RBM25: variants seen among roughly 807,000 people sequenced by gnomAD.
RBM25 encodes the protein RNA-binding protein 25.
Under a neutral mutation model 120.7 loss-of-function variants are expected in RBM25, and 19 were observed. The observed-to-expected ratio is 0.16, with a 90% confidence interval of 0.11 to 0.23. The LOEUF is 0.23. Among genes scored for constraint, RBM25 ranks in the 10% least tolerant of loss-of-function variants. The pLI, the probability that RBM25 is intolerant of heterozygous loss-of-function variation, is 1.00. For missense variants in RBM25, 605 were observed against 1,041.5 expected (o/e 0.58, Z 5.77); for synonymous variants, 390 against 326.7 (o/e 1.19, Z -2.09).
intron 14 of RBM25, 93 bp from the exon 15 acceptor site, chr14:73,110,738 T>G: frequency 6.8e-7 from 1 of 1,462,676 alleles, no homozygotes; most frequent in Non-Finnish European, 9.1e-7. Context: ...CTTTTCTCTT[T>G]TCATAAAGAT....
intron 7 of RBM25, among the ~76,000 whole-genome samples, chr14:73,097,437 G>A (rs919989551): frequency 2.0e-5 from 3 of 151,912 alleles, no homozygotes; most frequent in African/African-American, 7.2e-5. Context: ...GTGACCTCGT[G>A]GTCGACCCGC....
chr14:73,094,426 A>G (rs1299907203), intron 6 of RBM25, among the ~76,000 whole-genome samples: 2 of 151,918 alleles, frequency 1.3e-5, no homozygotes, highest in African/African-American at 4.8e-5. Context: ...AGTGGAAACA[A>G]TAATCAATTT....
chr14:73,059,014 C>T (rs545792404), intron 1 of RBM25, among the ~76,000 whole-genome samples: 4 of 152,236 alleles, frequency 2.6e-5, no homozygotes, highest in South Asian at 2.1e-4. Context: ...CTCTGCCCCC[C>T]CTGGGCTCCA....
At chr14:73,064,243 A>G (rs993899704) in intron 1 of RBM25, among the ~76,000 whole-genome samples, 2 of 151,472 alleles carry the variant, frequency 1.3e-5, no homozygotes, top group Non-Finnish European at 1.5e-5. Flanking sequence ...TTTGCTTATG[A>G]TTATGAAAGT....
In RBM25 at chr14:73,097,201, T is replaced by TTC. The variant is rs1269436017; in HGVS notation, c.729+102_729+103insCT. The TTC allele has an allele frequency of 5.8e-4, 111 of 191,040 alleles. 1 individual carries two copies. The African/African-American group carries it at 0.036, about 61-fold the overall frequency. 11.8% of individuals were successfully genotyped at this position (191,040 alleles called of 1,614,324 possible). ...TCAGTTTTCTTTTTTCTTTTCTTTTTTTTTTTTTTTTTTTTTTGAGATGGA... is the reference window on the plus strand; with the variant it reads ...TCAGTTTTCTTTTTTCTTTTCTTTTTTCTTTTTTTTTTTTTTTTTGAGATGGA... On this transcript the variant is annotated intron_variant, in intron 7 of 18. Transcript: ENST00000261973.
chr14:73,110,542 C>T (rs1471960174), intron 14 of RBM25, among the ~76,000 whole-genome samples: 1 of 151,914 alleles, frequency 6.6e-6, no homozygotes, highest in Non-Finnish European at 1.5e-5. Flanking sequence ...GATTCTCCTG[C>T]CTCAGCCTCC....
rs1010601599 is a variant in RBM25, at chr14:73,058,666, C to T, written c.-55C>T. On this transcript the variant is annotated 5_prime_UTR_variant, in exon 1 of 19. Transcript: ENST00000261973. Reference sequence around the variant, plus strand: ...GTGGAGCGCACTCGTAACCTGGATCCCAGAAGGTCGCGAAGGCAGTACCGT... The same window carrying T: ...GTGGAGCGCACTCGTAACCTGGATCTCAGAAGGTCGCGAAGGCAGTACCGT... 5 of 152,270 alleles carry T rather than the reference C, an allele frequency of 3.3e-5. No homozygotes were observed. In the East Asian group the frequency reaches 7.7e-4, roughly 24 times the overall value. 9.4% of individuals were successfully genotyped at this position (152,270 alleles called of 1,614,324 possible).
rs1026566214 is a variant in RBM25, at chr14:73,109,386, T to C, written c.1586T>C (p.Met529Thr). The C allele has an allele frequency of 5.0e-6, 8 of 1,613,834 alleles. No individual in the cohort carries two copies. Among genetic ancestry groups the C allele is most frequent in the Non-Finnish European group, 6.8e-6 (8 of 1,179,966 alleles). Residue 529 changes from methionine to threonine, a missense_variant, in exon 14 of 19, where the codon ATG (methionine) becomes ACG (threonine). Coordinates refer to ENST00000261973, the MANE Select transcript of RBM25 (RefSeq NM_021239.3). ...QKRLRDREKE[M>T]EADERDRKRE... Reference sequence around the variant, plus strand: ...AGGTTGCGTGATAGAGAAAAGGAAATGGAAGCAGATGAACGAGATAGGAAG... The same window carrying C: ...AGGTTGCGTGATAGAGAAAAGGAAACGGAAGCAGATGAACGAGATAGGAAG...
chr14:73,090,524 A>G (rs1895790237), intron 6 of RBM25, among the ~76,000 whole-genome samples: 1 of 152,158 alleles, frequency 6.6e-6, no homozygotes, highest in South Asian at 2.1e-4. Context: ...AATTCTATCC[A>G]TACTTATAAT....
At chr14:73,085,736 C>T (rs1478864406) in intron 5 of RBM25, among the ~76,000 whole-genome samples, 4 of 152,192 alleles carry the variant, frequency 2.6e-5, no homozygotes, top group Non-Finnish European at 5.9e-5. Context: ...CTTGAGCCAC[C>T]ATGCCTGGCA....
chr14:73,084,151 A>G (rs1422238960), intron 5 of RBM25, among the ~76,000 whole-genome samples: 1 of 151,756 alleles, frequency 6.6e-6, no homozygotes, highest in Non-Finnish European at 1.5e-5. Context: ...ACCCGCCTTG[A>G]CCTCCTAAAA....
intron 7 of RBM25, among the ~76,000 whole-genome samples, 199 bp from the exon 8 acceptor site, chr14:73,099,169 GTGTTGGAGTATC>G (rs1555345828): frequency 6.6e-6 from 1 of 152,158 alleles, no homozygotes; most frequent in Non-Finnish European, 1.5e-5. Context: ...TTTCTTGGGG[GTGTTGGAGTATC>G]CAGAGAGGAG....
chr14:73,095,841 ATG>A (rs1372054596), intron 6 of RBM25, among the ~76,000 whole-genome samples: 1 of 152,164 alleles, frequency 6.6e-6, no homozygotes, highest in African/African-American at 2.4e-5. Flanking sequence ...GTATCTGAAA[ATG>A]TGCACGGTAT....
At position 73,105,865 on chromosome 14, in the gene RBM25, AAGC is replaced by A. The variant is rs1425486586; in HGVS notation, c.1164_1166del (p.Ser388del). 1.9e-6 allele frequency: 3 copies of A among 1,608,426 alleles called. No homozygotes were observed. Among genetic ancestry groups the A allele is most frequent in the Non-Finnish European group, 2.5e-6 (3 of 1,178,446 alleles). ...AATATTTTGTTTACATTAGAGAAAA[AAGC>A]AGAGATCGTGAAAGGGAACGAGAGC... On this transcript the variant is annotated inframe_deletion, in exon 11 of 19. Coordinates refer to ENST00000261973, the MANE Select transcript of RBM25 (RefSeq NM_021239.3).
In RBM25 at chr14:73,114,285, G is replaced by T; in HGVS notation, c.2392-1G>T. On this transcript the variant is annotated splice_acceptor_variant, in intron 17 of 18. Coordinates refer to ENST00000261973, the MANE Select transcript of RBM25 (RefSeq NM_021239.3). LOFTEE classifies it high-confidence loss of function. ...ATGTGACAATTATTTTTCTCTTTTA[G>T]GTTATGGCTCATAGTTCACCCCAGA... The T allele has an allele frequency of 6.5e-7, 1 of 1,548,012 alleles. No individual in the cohort carries two copies. Among genetic ancestry groups the T allele is most frequent in the Admixed American group, 1.9e-5 (1 of 51,830 alleles).
Position 73,107,867 on chromosome 14 carries a change from T to C in RBM25, c.1509T>C (p.Tyr503=). The change falls in exon 13 of 19, where the codon TAT becomes TAC. Residue 503 remains tyrosine (Y), a synonymous_variant. Coordinates refer to ENST00000261973, the MANE Select transcript of RBM25 (RefSeq NM_021239.3). ...GACTAAAAGAATTCTTAGAAGACTA[T>C]GATGATGATAGAGATGACCCCAAAT... is the stretch of plus-strand genomic sequence containing the variant. ...AKRLKEFLED[Y]DDDRDDPKYY... is the part of the protein sequence containing the mutation. 1 of 1,602,786 alleles carries C rather than the reference T, an allele frequency of 6.2e-7. No individual in the cohort carries two copies.
In RBM25 at chr14:73,107,029, C is replaced by T. The variant is rs146715280; in HGVS notation, c.1467+744C>T. Among the ~76,000 whole-genome samples, 296 of 151,562 alleles carry T rather than the reference C, an allele frequency of 2.0e-3. 2 individuals carry two copies. Among genetic ancestry groups the T allele is most frequent in the African/African-American group, 6.7e-3 (277 of 41,312 alleles). Reference sequence around the variant, plus strand: ...TAATATTTTGTATTTTTAGTAGAGACGGAGTTTCACCATGTTGGCCAGGAT... The same window carrying T: ...TAATATTTTGTATTTTTAGTAGAGATGGAGTTTCACCATGTTGGCCAGGAT... On this transcript the variant is annotated intron_variant, in intron 12 of 18. Coordinates refer to ENST00000261973, the MANE Select transcript of RBM25 (RefSeq NM_021239.3).
rs745316851 is a variant in RBM25 at position 73,103,341 on chromosome 14, A to G, written c.1017A>G (p.Lys339=). Residue 339 remains lysine, a synonymous_variant, in exon 10 of 19, where the codon AAA becomes AAG. Coordinates refer to ENST00000261973, the MANE Select transcript of RBM25 (RefSeq NM_021239.3). ...REREREREKE[K]ERERERERDR... is the part of the protein sequence containing the mutation. ...GAGAACGTGAACGAGAAAAGGAGAA[A>G]GAACGGGAGCGGGAACGAGAACGGG... The G allele has an allele frequency of 1.3e-6, 2 of 1,595,532 alleles. No individual in the cohort carries two copies. The highest frequency in any genetic ancestry group is 1.7e-6 in the Non-Finnish European group (2 of 1,169,988).
rs917310588 is a variant in RBM25, at chr14:73,061,730, C to G, written c.-16+3025C>G. Among the ~76,000 whole-genome samples, 56 of 151,106 alleles carry G rather than the reference C, an allele frequency of 3.7e-4. 2 individuals carry two copies. The highest frequency in any genetic ancestry group is 1.2e-3 in the African/African-American group (49 of 41,256). On this transcript the variant is annotated intron_variant, in intron 1 of 18. Coordinates refer to ENST00000261973, the MANE Select transcript of RBM25 (RefSeq NM_021239.3). ...CACAGGTGCACGCCACCATGCCTGG[C>G]TATTTTTTTGTATTTTTGGTAGAGA...
Sources: allele counts gnomAD v4.1 joint callset (sites outside exome capture counted in the v4.1 genomes callset), GRCh38; gene constraint gnomAD v4.1.1; transcripts MANE v1.5; gene names NCBI Gene and HGNC (gene_info 2026-07-23, HGNC 2026-07-21).